Variants in PRAC1 observed in about 807,000 individuals in gnomAD.
PRAC1 encodes the protein PRAC1 small nuclear protein.
Under a neutral mutation model 3.1 loss-of-function variants are expected in PRAC1, and 4 were observed. The ratio of observed to expected loss-of-function variants is 1.28; its 90% CI spans 0.63 to 2.93. The LOEUF (loss-of-function observed/expected upper bound fraction) is 2.93, where lower values mean the gene tolerates loss of function less well. Ranked by LOEUF, PRAC1 falls within the 30% of genes most tolerant of loss-of-function variation. The probability of loss-of-function intolerance (pLI) is 0.01; values close to 1 mark genes in which losing one functional copy is unlikely to be tolerated. For synonymous variants in PRAC1, 32 were observed against 27.0 expected (o/e 1.18, Z -0.57); for missense variants, 72 against 66.8 (o/e 1.08, Z -0.27).
chr17:48,722,494 C>A lies in PRAC1; in HGVS notation c.-102G>T. On this transcript the variant is annotated 5_prime_UTR_variant, in exon 1 of 2. Coordinates refer to ENST00000290294, the MANE Select transcript of PRAC1 (RefSeq NM_032391.3). The stretch of plus-strand genomic sequence containing the variant: ...CAGCCTCCCAGTGGCGCTCTGTTTG[C>A]ACGCCTTAGGCTAGGAGAGGAAGGA... The A allele has an allele frequency of 1.0e-6, 1 of 973,510 alleles. No homozygotes were observed. Among genetic ancestry groups the A allele is most frequent in the South Asian group, 1.3e-5 (1 of 75,732 alleles). 60.3% of individuals were successfully genotyped at this position (973,510 alleles called of 1,614,324 possible).
chr17:48,722,050 TC>T (rs2038150354), intron 1 of PRAC1, among the ~76,000 whole-genome samples, 151 bp from the exon 2 acceptor site: 1 of 152,290 alleles, frequency 6.6e-6, no homozygotes, highest in African/African-American at 2.4e-5. Flanking sequence ...CCCAAGCCTC[TC>T]CCCCGCCTAG....
chr17:48,722,287 G>A, intron 1 of PRAC1, 31 bp downstream of exon 1: 1 of 1,580,836 alleles, frequency 6.3e-7, no homozygotes, highest in Non-Finnish European at 8.7e-7. Context: ...GCGATCCGTC[G>A]ATAACGCCCT....
chr17:48,721,729 TA>T lies in PRAC1; in HGVS notation c.*71del. The T allele has an allele frequency of 7.4e-7, 1 of 1,346,546 alleles. No individual in the cohort carries two copies. The highest frequency in any genetic ancestry group is 9.6e-7 in the Non-Finnish European group (1 of 1,036,942). 83.4% of individuals were successfully genotyped at this position (1,346,546 alleles called of 1,614,324 possible). A position where few individuals can be genotyped will look rare whatever the true frequency, so the allele number is the denominator to read the frequency against. On this transcript the variant is annotated 3_prime_UTR_variant, in exon 2 of 2. Transcript: ENST00000290294. ...TTAACTTTCACCCAGTTTCCTTTTT[TA>T]AAAAAATTTTATTGTATAAATAGAG... is the stretch of plus-strand genomic sequence containing the variant.
Position 48,722,168 on chromosome 17 carries a change from T to A in PRAC1, c.75+150A>T. On this transcript the variant is annotated intron_variant, in intron 1 of 1. Coordinates refer to ENST00000290294, the MANE Select transcript of PRAC1 (RefSeq NM_032391.3). Reference sequence around the variant, plus strand: ...GAGTAGGTGCTCCCGCCAGGTGGTATCGGTGAAAGCCTGCTGCTCACCCTT... The same window carrying A: ...GAGTAGGTGCTCCCGCCAGGTGGTAACGGTGAAAGCCTGCTGCTCACCCTT... The A allele has an allele frequency of 6.9e-6, 5 of 723,454 alleles. No individual in the cohort carries two copies. The South Asian group carries it at 7.4e-5, about 11-fold the overall frequency. 44.8% of individuals were successfully genotyped at this position (723,454 alleles called of 1,614,324 possible).
chr17:48,721,896 T>C lies in PRAC1; in HGVS notation c.79A>G (p.Thr27Ala). The change falls in exon 2 of 2, where the codon ACA becomes GCA. Residue 27 changes from threonine (T) to alanine (A), a missense_variant. Transcript: ENST00000290294. ...CCCAGTAGATGTTTCAAAGTAGATGTTTTCTAAAATATTTTACAATATTTA... is the reference window on the plus strand; with the variant it reads ...CCCAGTAGATGTTTCAAAGTAGATGCTTTCTAAAATATTTTACAATATTTA... ...SKSAFLSNKK[T>A]STLKHLLGET... 1 of 1,510,566 alleles carries C rather than the reference T, an allele frequency of 6.6e-7. No individual in the cohort carries two copies. The highest frequency in any genetic ancestry group is 1.3e-5 in the South Asian group (1 of 75,800). 93.6% of individuals were successfully genotyped at this position (1,510,566 alleles called of 1,614,324 possible). A position where few individuals can be genotyped will look rare whatever the true frequency, so the allele number is the denominator to read the frequency against.
In PRAC1 at chr17:48,721,723, C is replaced by A; in HGVS notation, c.*78G>T. ...TCACAGTTAACTTTCACCCAGTTTC[C>A]TTTTTTAAAAAAATTTTATTGTATA... is the stretch of plus-strand genomic sequence containing the variant. On this transcript the variant is annotated 3_prime_UTR_variant, in exon 2 of 2. Coordinates refer to ENST00000290294, the MANE Select transcript of PRAC1 (RefSeq NM_032391.3). The A allele has an allele frequency of 7.5e-7, 1 of 1,326,374 alleles. No homozygotes were observed. The highest frequency in any genetic ancestry group is 1.5e-5 in the African/African-American group (1 of 65,796). The allele number at this position is 1,326,374 out of a possible 1,614,324, so 82.2% of individuals were successfully genotyped here.
chr17:48,721,873 C>T lies in PRAC1; in HGVS notation c.102G>A (p.Leu34=). The change falls in exon 2 of 2, where the codon CTG becomes CTA. Residue 34 remains leucine (L), a synonymous_variant. Coordinates refer to ENST00000290294, the MANE Select transcript of PRAC1 (RefSeq NM_032391.3). ...NKKTSTLKHL[L]GETRSDGSAC... The stretch of plus-strand genomic sequence containing the variant: ...CTGAGCCATCACTCCTGGTCTCGCC[C>T]AGTAGATGTTTCAAAGTAGATGTTT... 6.5e-7 allele frequency: 1 copy of T among 1,533,998 alleles called. No homozygotes were observed. The highest frequency in any genetic ancestry group is 1.8e-4 in the Middle Eastern group (1 of 5,596).
rs759048451 is a variant in PRAC1, at chr17:48,722,317, C to T, written c.75+1G>A. 6.2e-6 allele frequency: 10 copies of T among 1,613,234 alleles called. No homozygotes were observed. In the South Asian group the frequency reaches 8.8e-5, roughly 14 times the overall value. On this transcript the variant is annotated splice_donor_variant, in intron 1 of 1. Coordinates refer to ENST00000290294, the MANE Select transcript of PRAC1 (RefSeq NM_032391.3). LOFTEE classifies it high-confidence loss of function. ...CGCCCTTGGCCCACCGATCAGTTTA[C>T]CTTATTAGAGAGAAAAGCACTCTTG...
intron 1 of PRAC1, 112 bp downstream of exon 1, chr17:48,722,205 CA>C: frequency 1.1e-6 from 1 of 929,068 alleles, no homozygotes; most frequent in Non-Finnish European, 1.7e-6. Context: ...CCTTGTTTCC[CA>C]AAACTTCTGA....
chr17:48,722,007 T>C, intron 1 of PRAC1, 108 bp from the exon 2 acceptor site: 2 of 1,246,342 alleles, frequency 1.6e-6, no homozygotes, highest in Non-Finnish European at 2.2e-6. Flanking sequence ...TTAAGTCTTA[T>C]GGCAGACCTT....
At chr17:48,722,060 A>G (rs1421950494) in intron 1 of PRAC1, among the ~76,000 whole-genome samples, 161 bp from the exon 2 acceptor site, 1 of 152,190 alleles carries the variant, frequency 6.6e-6, no homozygotes, top group African/African-American at 2.4e-5. Context: ...TCCCCCGCCT[A>G]GGTCCTGCAG....
In PRAC1 at chr17:48,721,736, A is replaced by G; in HGVS notation, c.*65T>C. Reference sequence around the variant, plus strand: ...TCACCCAGTTTCCTTTTTTAAAAAAATTTTATTGTATAAATAGAGACAGCG... The same window carrying G: ...TCACCCAGTTTCCTTTTTTAAAAAAGTTTTATTGTATAAATAGAGACAGCG... On this transcript the variant is annotated 3_prime_UTR_variant, in exon 2 of 2. Transcript: ENST00000290294. 1 of 1,359,272 alleles carries G rather than the reference A, an allele frequency of 7.4e-7. No individual in the cohort carries two copies. The highest frequency in any genetic ancestry group is 9.6e-7 in the Non-Finnish European group (1 of 1,045,536). The allele number at this position is 1,359,272 out of a possible 1,614,324, so 84.2% of individuals were successfully genotyped here.
Position 48,721,751 on chromosome 17 carries a change from T to G in PRAC1, c.*50A>C. ...TTTTAAAAAAATTTTATTGTATAAA[T>G]AGAGACAGCGTCTTGCTACATTGCC... On this transcript the variant is annotated 3_prime_UTR_variant, in exon 2 of 2. Transcript: ENST00000290294. 1 of 1,441,386 alleles carries G rather than the reference T, an allele frequency of 6.9e-7. No individual in the cohort carries two copies. Among genetic ancestry groups the G allele is most frequent in the Non-Finnish European group, 9.2e-7 (1 of 1,091,904 alleles). 89.3% of individuals were successfully genotyped at this position (1,441,386 alleles called of 1,614,324 possible). A position where few individuals can be genotyped will look rare whatever the true frequency, so the allele number is the denominator to read the frequency against.
rs1288192215 is a variant in PRAC1, at chr17:48,722,307, G to T, written c.75+11C>A. On this transcript the variant is annotated intron_variant, in intron 1 of 1. Transcript: ENST00000290294. ...CCGTCGATAACGCCCTTGGCCCACCGATCAGTTTACCTTATTAGAGAGAAA... is the reference window on the plus strand; with the variant it reads ...CCGTCGATAACGCCCTTGGCCCACCTATCAGTTTACCTTATTAGAGAGAAA... 3 of 1,610,060 alleles carry T rather than the reference G, an allele frequency of 1.9e-6. No homozygotes were observed. The highest frequency in any genetic ancestry group is 2.6e-6 in the Non-Finnish European group (3 of 1,176,358).
chr17:48,722,210 C>G (rs2038153007), intron 1 of PRAC1, 108 bp downstream of exon 1: 1 of 962,494 alleles, frequency 1.0e-6, no homozygotes, highest in Admixed American at 2.1e-5. Flanking sequence ...TTTCCCAAAA[C>G]TTCTGAAGGC....
In PRAC1 at chr17:48,722,426, C is replaced by T. The variant is rs1358857957; in HGVS notation, c.-34G>A. The T allele has an allele frequency of 6.3e-7, 1 of 1,599,048 alleles. No homozygotes were observed. The highest frequency in any genetic ancestry group is 1.7e-5 in the Admixed American group (1 of 60,000). The stretch of plus-strand genomic sequence containing the variant: ...TCTCTGCAAAGGTGGGGACCAGAAT[C>T]CAGCTTGCCTGACCTTGCAAGCAAG... On this transcript the variant is annotated 5_prime_UTR_variant, in exon 1 of 2. Transcript: ENST00000290294.
At position 48,722,310 on chromosome 17, in the gene PRAC1, C is replaced by T; in HGVS notation, c.75+8G>A. On this transcript the variant is annotated splice_region_variant and intron_variant, in intron 1 of 1. Coordinates refer to ENST00000290294, the MANE Select transcript of PRAC1 (RefSeq NM_032391.3). ...TCGATAACGCCCTTGGCCCACCGATCAGTTTACCTTATTAGAGAGAAAAGC... is the reference window on the plus strand; with the variant it reads ...TCGATAACGCCCTTGGCCCACCGATTAGTTTACCTTATTAGAGAGAAAAGC... The T allele has an allele frequency of 1.2e-6, 2 of 1,611,694 alleles. No individual in the cohort carries two copies. The highest frequency in any genetic ancestry group is 1.7e-6 in the Non-Finnish European group (2 of 1,177,792).
Position 48,722,413 on chromosome 17 carries a change from TG to T in PRAC1, c.-22del, listed in dbSNP as rs1567699312. On this transcript the variant is annotated 5_prime_UTR_variant, in exon 1 of 2. Transcript: ENST00000290294. Reference sequence around the variant, plus strand: ...AACATCGCTGTTCTCTCTGCAAAGGTGGGGACCAGAATCCAGCTTGCCTGAC... The same window carrying T: ...AACATCGCTGTTCTCTCTGCAAAGGTGGGACCAGAATCCAGCTTGCCTGAC... 3 of 1,612,118 alleles carry T rather than the reference TG, an allele frequency of 1.9e-6. No homozygotes were observed. The highest frequency in any genetic ancestry group is 1.7e-4 in the Middle Eastern group (1 of 6,060).
chr17:48,722,455 C>T lies in PRAC1; in HGVS notation c.-63G>A. 2.1e-6 allele frequency: 3 copies of T among 1,438,654 alleles called. No homozygotes were observed. Among genetic ancestry groups the T allele is most frequent in the South Asian group, 1.1e-5 (1 of 87,412 alleles). The allele number at this position is 1,438,654 out of a possible 1,614,324, so 89.1% of individuals were successfully genotyped here. The stretch of plus-strand genomic sequence containing the variant: ...CTTGCCTGACCTTGCAAGCAAGCAT[C>T]GGCCTAAAGGTTTCAGCCTCCCAGT... On this transcript the variant is annotated 5_prime_UTR_variant, in exon 1 of 2. Coordinates refer to ENST00000290294, the MANE Select transcript of PRAC1 (RefSeq NM_032391.3).
Sources: allele counts gnomAD v4.1 joint callset (sites outside exome capture counted in the v4.1 genomes callset), GRCh38; gene constraint gnomAD v4.1.1; transcripts MANE v1.5; gene names NCBI Gene and HGNC (gene_info 2026-07-23, HGNC 2026-07-21).